EPHA6: variants seen among roughly 807,000 people sequenced by gnomAD.
The protein encoded by EPHA6 is ephrin type-A receptor 6.
Under a neutral mutation model 112.0 loss-of-function variants are expected in EPHA6, and 50 were observed. The ratio of observed to expected loss-of-function variants is 0.45; its 90% CI spans 0.36 to 0.56. The LOEUF (loss-of-function observed/expected upper bound fraction) is 0.56, where lower values mean the gene tolerates loss of function less well. Among genes scored for constraint, EPHA6 ranks in the 20% least tolerant of loss-of-function variants. EPHA6 has a pLI of 0.00. For synonymous variants in EPHA6, 529 were observed against 490.7 expected, an observed-to-expected ratio of 1.08 and a Z score of -1.03; for missense variants, 1,280 against 1,417.4, an observed-to-expected ratio of 0.90 and a Z score of 1.56.
At chr3:97,151,134 C>T (rs1027254896) in intron 3 of EPHA6, among the ~76,000 whole-genome samples, 10 of 152,052 alleles carry the variant, frequency 6.6e-5, no homozygotes, top group African/African-American at 2.4e-4. Context: ...CGAAATAGGC[C>T]CTGTTATTCT....
intron 3 of EPHA6, among the ~76,000 whole-genome samples, chr3:97,022,891 G>T (rs1428118669): frequency 3.9e-5 from 6 of 152,156 alleles, no homozygotes; most frequent in Admixed American, 3.9e-4. Context: ...ATGAGTATTA[G>T]CAGGCCAGCT....
intron 14 of EPHA6, among the ~76,000 whole-genome samples, chr3:97,640,070 C>T (rs75055053): frequency 0.021 from 3,231 of 152,034 alleles, 46 homozygotes; most frequent in Middle Eastern, 0.071. Context: ...TATACTTTCA[C>T]AGGTTAGAAG....
At chr3:97,165,148 A>C (rs1214971725) in intron 3 of EPHA6, among the ~76,000 whole-genome samples, 1 of 152,056 alleles carries the variant, frequency 6.6e-6, no homozygotes, top group Non-Finnish European at 1.5e-5. Context: ...CTGTTTTTGC[A>C]TTTGCATTCC....
chr3:96,938,356 T>G (rs1400782095), intron 2 of EPHA6, among the ~76,000 whole-genome samples: 1 of 151,272 alleles, frequency 6.6e-6, no homozygotes, highest in African/African-American at 2.4e-5. Flanking sequence ...AGGTATTTTA[T>G]TCTCTTTGAA....
intron 2 of EPHA6, among the ~76,000 whole-genome samples, chr3:96,986,529 G>A (rs2043028250): frequency 6.6e-6 from 1 of 152,132 alleles, no homozygotes; most frequent in African/African-American, 2.4e-5. Context: ...CTAAGGCAAT[G>A]CGTAAATGTC....
At chr3:97,735,255 A>C (rs2035204684) in intron 15 of EPHA6, among the ~76,000 whole-genome samples, 1 of 152,080 alleles carries the variant, frequency 6.6e-6, no homozygotes, top group South Asian at 2.1e-4. Context: ...CTGCTGAAGC[A>C]CACTAGCTCA....
chr3:96,848,772 A>T (rs535681609), intron 1 of EPHA6, among the ~76,000 whole-genome samples: 1 of 152,098 alleles, frequency 6.6e-6, no homozygotes, highest in Non-Finnish European at 1.5e-5. Flanking sequence ...AAAAAATAAG[A>T]TGTTTTTCAT....
At chr3:96,999,324 G>T (rs550081334) in intron 3 of EPHA6, among the ~76,000 whole-genome samples, 1 of 151,934 alleles carries the variant, frequency 6.6e-6, no homozygotes, top group Non-Finnish European at 1.5e-5. Context: ...AAGAATTCAA[G>T]TTAGTAATCC....
intron 5 of EPHA6, among the ~76,000 whole-genome samples, chr3:97,317,995 TC>T (rs1485009890): frequency 6.6e-6 from 1 of 151,980 alleles, no homozygotes; most frequent in African/African-American, 2.4e-5. Context: ...AATTACTTCT[TC>T]CTGCATGCAA....
chr3:96,851,412 T>C (rs1003324931), intron 1 of EPHA6, among the ~76,000 whole-genome samples: 1 of 152,132 alleles, frequency 6.6e-6, no homozygotes, highest in Admixed American at 6.6e-5. Flanking sequence ...GATCAGTTAG[T>C]ATAATTTTTT....
chr3:97,171,910 AC>A (rs1188155368), intron 3 of EPHA6, among the ~76,000 whole-genome samples: 1 of 152,128 alleles, frequency 6.6e-6, no homozygotes. Context: ...CTGAAGAAGA[AC>A]AATAAGGCTA....
At chr3:96,984,581 G>A (rs2042945435) in intron 2 of EPHA6, among the ~76,000 whole-genome samples, 1 of 152,190 alleles carries the variant, frequency 6.6e-6, no homozygotes. Flanking sequence ...CTTCAAAGCT[G>A]TCAGACAGGG....
At chr3:97,710,999 T>TG (rs1316050779) in intron 14 of EPHA6, among the ~76,000 whole-genome samples, 3 of 152,332 alleles carry the variant, frequency 2.0e-5, no homozygotes, top group Admixed American at 6.5e-5. Context: ...TAGAGATAGA[T>TG]GGTGTATCAG....
intron 5 of EPHA6, among the ~76,000 whole-genome samples, chr3:97,314,793 TTGA>T (rs1346143499): frequency 3.3e-5 from 5 of 151,598 alleles, no homozygotes; most frequent in African/African-American, 4.8e-5. Context: ...TAATGAAAGG[TTGA>T]TGAGAACAGT....
intron 1 of EPHA6, among the ~76,000 whole-genome samples, chr3:96,829,935 A>T (rs1041433336): frequency 4.2e-5 from 5 of 117,652 alleles, no homozygotes; most frequent in South Asian, 3.1e-4. Flanking sequence ...ATGCACGTGC[A>T]TGTGCGCGCG....
chr3:97,122,708 G>A (rs7641075), intron 3 of EPHA6, among the ~76,000 whole-genome samples: 14,467 of 151,868 alleles, frequency 0.095, 2,274 homozygotes, highest in African/African-American at 0.32. Flanking sequence ...GTCACCAAGA[G>A]CCTTATAAGT....
intron 14 of EPHA6, among the ~76,000 whole-genome samples, chr3:97,718,018 A>G (rs1027908257): frequency 2.6e-5 from 4 of 152,220 alleles, no homozygotes; most frequent in Non-Finnish European, 5.9e-5. Context: ...ACACTCTTAC[A>G]TATTGTTTTC....
intron 3 of EPHA6, among the ~76,000 whole-genome samples, chr3:96,992,634 T>G (rs2856482): frequency 6.6e-6 from 1 of 151,958 alleles, no homozygotes; most frequent in African/African-American, 2.4e-5. Flanking sequence ...TCTGATATAT[T>G]GATTCTAAGG....
intron 5 of EPHA6, among the ~76,000 whole-genome samples, chr3:97,327,823 C>A (rs1422732964): frequency 7.3e-6 from 1 of 137,238 alleles, no homozygotes; most frequent in South Asian, 2.2e-4. Context: ...AATGATATTC[C>A]TTGGTGTGTG....
Sources: gnomAD v4.1 joint callset for allele counts (sites outside exome capture counted in the v4.1 genomes callset) on GRCh38, gnomAD v4.1.1 for gene constraint, MANE v1.5 for transcripts, NCBI Gene and HGNC (gene_info 2026-07-23, HGNC 2026-07-21) for gene names.